The following NSD2 variants were observed in gnomAD, a reference collection of about 807,000 sequenced individuals.
NSD2 encodes the protein histone-lysine N-methyltransferase NSD2.
In NSD2, 12 loss-of-function variants were observed where a neutral mutation model predicts 139.0. That is an observed-to-expected ratio of 0.09 (90% CI 0.06 to 0.14). The LOEUF is 0.14. NSD2 is among the 10% of genes least tolerant of loss of function. The probability of loss-of-function intolerance (pLI) is 1.00; values close to 1 mark genes in which losing one functional copy is unlikely to be tolerated. For synonymous variants in NSD2, 669 were observed against 648.7 expected (o/e 1.03, Z -0.48); for missense variants, 1,155 against 1,745.0 (o/e 0.66, Z 6.02).
At chr4:1,922,135 A>C (rs1219617912) in intron 5 of NSD2, among the ~76,000 whole-genome samples, 1 of 152,240 alleles carries the variant, frequency 6.6e-6, no homozygotes, top group Non-Finnish European at 1.5e-5. Context: ...CAATAGAATG[A>C]GTCTTCGTCT....
intron 18 of NSD2, among the ~76,000 whole-genome samples, chr4:1,971,499 G>A (rs1726475587): frequency 6.6e-6 from 1 of 152,144 alleles, no homozygotes; most frequent in African/African-American, 2.4e-5. Flanking sequence ...GAATACACTG[G>A]AGGAAGTGTT....
chr4:1,938,383 T>C lies in NSD2; in HGVS notation c.1675-68T>C, dbSNP rs1345273388. 8.8e-6 allele frequency: 11 copies of C among 1,256,814 alleles called. No individual in the cohort carries two copies. In the East Asian group the frequency reaches 3.1e-4, roughly 36 times the overall value. The allele number at this position is 1,256,814 out of a possible 1,614,324, so 77.9% of individuals were successfully genotyped here. ...TCCTTTTGTTGTTCTTTTTCTTTTTTTTTCCTTTTTTTCTTTTCTTTTTTT... is the reference window on the plus strand; with the variant it reads ...TCCTTTTGTTGTTCTTTTTCTTTTTCTTTCCTTTTTTTCTTTTCTTTTTTT... On this transcript the variant is annotated intron_variant, in intron 7 of 21. Transcript: ENST00000508803.
chr4:1,918,847 T>C, intron 5 of NSD2: 1 of 563,774 alleles, frequency 1.8e-6, no homozygotes, highest in Middle Eastern at 5.1e-4. Context: ...CTAATGTGGA[T>C]AAGAAGATAC....
chr4:1,873,370 T>TTCGTATG (rs1714010500), intron 1 of NSD2, among the ~76,000 whole-genome samples: 1 of 152,210 alleles, frequency 6.6e-6, no homozygotes, highest in Non-Finnish European at 1.5e-5. Flanking sequence ...ATCGTATCTA[T>TTCGTATG]TCGTATGTAA....
intron 1 of NSD2, among the ~76,000 whole-genome samples, chr4:1,898,855 C>T (rs1716782688): frequency 6.6e-6 from 1 of 152,048 alleles, no homozygotes; most frequent in African/African-American, 2.4e-5. Context: ...ATAGTTGTTA[C>T]AGTTGCTTCA....
At chr4:1,933,243 C>T (rs1414335997) in intron 6 of NSD2, among the ~76,000 whole-genome samples, 1 of 152,242 alleles carries the variant, frequency 6.6e-6, no homozygotes, top group East Asian at 1.9e-4. Context: ...GCATTGGCAG[C>T]AGGGCACGGA....
intron 18 of NSD2, among the ~76,000 whole-genome samples, chr4:1,964,677 C>G (rs930021049): frequency 6.6e-6 from 1 of 152,178 alleles, no homozygotes; most frequent in South Asian, 2.1e-4. Context: ...AAGCCCCTCC[C>G]CCTCCAGCTG....
intron 18 of NSD2, among the ~76,000 whole-genome samples, chr4:1,963,493 C>T (rs972998513): frequency 5.9e-5 from 9 of 152,162 alleles, no homozygotes; most frequent in Admixed American, 3.3e-4. Flanking sequence ...AGGTCTGTGC[C>T]TTATGTTTTG....
intron 5 of NSD2, among the ~76,000 whole-genome samples, chr4:1,921,783 A>C (rs79341449): frequency 7.0e-6 from 1 of 142,858 alleles, no homozygotes; most frequent in Non-Finnish European, 1.5e-5. Flanking sequence ...CTCTGTCTCA[A>C]AAAAAAAAAA....
At chr4:1,940,717 C>G (rs1482101514) in intron 9 of NSD2, 20 of 1,061,102 alleles carry the variant, frequency 1.9e-5, no homozygotes, top group Non-Finnish European at 2.3e-5. Context: ...AGGCCCCTTA[C>G]TCTTGCTGAG....
At position 1,975,349 on chromosome 4, in the gene NSD2, C is replaced by T; in HGVS notation, c.3570C>T (p.Val1190=). Residue 1190 remains valine, a synonymous_variant, in exon 20 of 22, where the codon GTC becomes GTT. Transcript: ENST00000508803. Reference sequence around the variant, plus strand: ...ATTGTCTGGGCAATGAAAAAACGGTCTGCCGGTGTGGAGCCTCCAATTGCA... The same window carrying T: ...ATTGTCTGGGCAATGAAAAAACGGTTTGCCGGTGTGGAGCCTCCAATTGCA... ...NLDCLGNEKT[V]CRCGASNCSG... 2 of 1,614,218 alleles carry T rather than the reference C, an allele frequency of 1.2e-6. No individual in the cohort carries two copies. The highest frequency in any genetic ancestry group is 1.7e-6 in the Non-Finnish European group (2 of 1,180,048).
At chr4:1,978,193 GAA>G (rs1267116386) in intron 21 of NSD2, among the ~76,000 whole-genome samples, 1 of 152,218 alleles carries the variant, frequency 6.6e-6, no homozygotes, top group Non-Finnish European at 1.5e-5. Flanking sequence ...ACACGATAGA[GAA>G]AAGTGTTGGC....
intron 5 of NSD2, among the ~76,000 whole-genome samples, chr4:1,922,826 T>C (rs535248180): frequency 1.3e-5 from 2 of 152,346 alleles, no homozygotes; most frequent in African/African-American, 4.8e-5. Context: ...CTCGGGAGGC[T>C]GAGGCTGGAG....
intron 1 of NSD2, among the ~76,000 whole-genome samples, chr4:1,877,328 A>T (rs932362231): frequency 6.6e-6 from 1 of 152,042 alleles, no homozygotes; most frequent in African/African-American, 2.4e-5. Flanking sequence ...TAAAATACAG[A>T]TGTCCTATGT....
At chr4:1,957,323 G>T (rs1724929595) in intron 15 of NSD2, among the ~76,000 whole-genome samples, 1 of 146,856 alleles carries the variant, frequency 6.8e-6, no homozygotes, top group Admixed American at 6.8e-5. Context: ...TTGCTCTGTT[G>T]CCCAGGCTGG....
intron 1 of NSD2, among the ~76,000 whole-genome samples, chr4:1,894,211 C>A (rs1054448469): frequency 5.3e-5 from 8 of 152,176 alleles, no homozygotes; most frequent in Non-Finnish European, 8.8e-5. Flanking sequence ...CCCACTTCAG[C>A]CTCCCAAAGT....
intron 18 of NSD2, among the ~76,000 whole-genome samples, chr4:1,971,156 C>T (rs1489802998): frequency 1.3e-5 from 2 of 151,912 alleles, no homozygotes; most frequent in East Asian, 3.9e-4. Context: ...CTCTGGAGTT[C>T]GAGACCAGCC....
At chr4:1,928,665 C>T (rs887015710) in intron 5 of NSD2, among the ~76,000 whole-genome samples, 2 of 151,858 alleles carry the variant, frequency 1.3e-5, no homozygotes, top group Admixed American at 6.6e-5. Context: ...TCTGCTTTGA[C>T]GAAGCAGTAA....
chr4:1,974,860 C>T lies in NSD2; in HGVS notation c.3373-3C>T, dbSNP rs369527225. 1.3e-5 allele frequency: 21 copies of T among 1,614,222 alleles called. No homozygotes were observed. Among genetic ancestry groups the T allele is most frequent in the Non-Finnish European group, 1.8e-5 (21 of 1,180,036 alleles). ...TGACCGAATATATCACTTGACCTTA[C>T]AGGACCGTATAATAGACGCTGGCCC... On this transcript the variant is annotated splice_region_variant and splice_polypyrimidine_tract_variant and intron_variant, in intron 18 of 21. Coordinates refer to ENST00000508803, the MANE Select transcript of NSD2 (RefSeq NM_001042424.3). The surrounding 1 kb of genome is among the most constrained non-coding windows in gnomAD (Gnocchi z 4.0).
Sources: gnomAD v4.1 joint callset for allele counts (sites outside exome capture counted in the v4.1 genomes callset) on GRCh38, gnomAD v4.1.1 for gene constraint, Gnocchi (gnomAD v3.1) non-coding constraint, MANE v1.5 for transcripts, NCBI Gene and HGNC (gene_info 2026-07-23, HGNC 2026-07-21) for gene names.